UTRN: variants seen among roughly 807,000 people sequenced by gnomAD.
The protein encoded by UTRN is utrophin, also known as dystrophin-related protein 1.
A neutral mutation model predicts 463.9 loss-of-function variants in UTRN; 283 were observed. The ratio of observed to expected loss-of-function variants is 0.61; its 90% CI spans 0.55 to 0.67. UTRN has a LOEUF of 0.67. UTRN is among the 30% of genes least tolerant of loss of function. The pLI is 0.00. For missense variants in UTRN, 3,922 were observed against 4,084.3 expected (o/e 0.96, Z 1.08); for synonymous variants, 1,442 against 1,431.5 (o/e 1.01, Z -0.17).
At chr6:144,728,004 G>A (rs1301587674) in intron 53 of UTRN, among the ~76,000 whole-genome samples, 1 of 151,328 alleles carries the variant, frequency 6.6e-6, no homozygotes, top group Non-Finnish European at 1.5e-5. Context: ...GGAGGCTGAG[G>A]CAGGAGAATC....
At chr6:144,348,674 C>G (rs981987373) in intron 2 of UTRN, among the ~76,000 whole-genome samples, 5 of 152,156 alleles carry the variant, frequency 3.3e-5, no homozygotes, top group Admixed American at 6.5e-5. Flanking sequence ...GTGGCTCATG[C>G]CTGTAATCCC....
intron 69 of UTRN, among the ~76,000 whole-genome samples, chr6:144,830,077 G>A (rs111662037): frequency 2.7e-3 from 408 of 152,138 alleles, no homozygotes; most frequent in Admixed American, 4.5e-3. Context: ...TAGCCAAAGC[G>A]TTAAAGGAAA....
chr6:144,811,326 T>G (rs938790297), intron 65 of UTRN, among the ~76,000 whole-genome samples: 1 of 152,150 alleles, frequency 6.6e-6, no homozygotes, highest in African/African-American at 2.4e-5. Flanking sequence ...GGTAGTTTGT[T>G]TTTTGGCAGT....
intron 51 of UTRN, among the ~76,000 whole-genome samples, chr6:144,578,667 C>G (rs571292078): frequency 1.3e-5 from 2 of 152,240 alleles, no homozygotes; most frequent in South Asian, 2.1e-4. Context: ...CTCTGCTTGT[C>G]CCAGTTGGTC....
At chr6:144,585,455 A>G (rs189195101) in intron 51 of UTRN, among the ~76,000 whole-genome samples, 2 of 152,256 alleles carry the variant, frequency 1.3e-5, no homozygotes, top group East Asian at 3.9e-4. Flanking sequence ...GATTTTGCCT[A>G]AAGAACTGGA....
At chr6:144,390,207 T>C (rs1781783841) in intron 2 of UTRN, among the ~76,000 whole-genome samples, 1 of 152,172 alleles carries the variant, frequency 6.6e-6, no homozygotes, top group South Asian at 2.1e-4. Context: ...CGCTGTATAA[T>C]AATGATCATG....
At chr6:144,631,402 T>A (rs1776507673) in intron 51 of UTRN, among the ~76,000 whole-genome samples, 1 of 152,172 alleles carries the variant, frequency 6.6e-6, no homozygotes, top group African/African-American at 2.4e-5. Context: ...ATTCCAAATA[T>A]TGGAGGAAAG....
chr6:144,611,343 C>T (rs1805502889), intron 51 of UTRN, among the ~76,000 whole-genome samples: 1 of 152,120 alleles, frequency 6.6e-6, no homozygotes, highest in East Asian at 1.9e-4. Flanking sequence ...TTCTGTTCAG[C>T]ATAGTACTGG....
intron 54 of UTRN, among the ~76,000 whole-genome samples, chr6:144,740,520 T>C (rs1419136559): frequency 6.6e-6 from 1 of 152,200 alleles, no homozygotes; most frequent in Non-Finnish European, 1.5e-5. Context: ...ATAATTTCAT[T>C]AGCTTCTCAA....
intron 52 of UTRN, among the ~76,000 whole-genome samples, chr6:144,692,297 T>C (rs966359866): frequency 6.6e-5 from 10 of 152,234 alleles, no homozygotes; most frequent in African/African-American, 2.4e-4. Context: ...TTATCATTGA[T>C]GGGCATTTAA....
intron 2 of UTRN, among the ~76,000 whole-genome samples, chr6:144,327,371 T>C (rs1403622625): frequency 1.3e-5 from 2 of 152,172 alleles, no homozygotes; most frequent in Non-Finnish European, 2.9e-5. Flanking sequence ...GTATTTATTC[T>C]TCCAGAGAAG....
intron 19 of UTRN, among the ~76,000 whole-genome samples, chr6:144,454,163 T>C (rs574565519): frequency 6.6e-6 from 1 of 152,158 alleles, no homozygotes; most frequent in Non-Finnish European, 1.5e-5. Context: ...TAAAACTGTA[T>C]CCTTTGGGTT....
intron 23 of UTRN, among the ~76,000 whole-genome samples, chr6:144,465,625 CA>C (rs1789875796): frequency 6.6e-6 from 1 of 152,050 alleles, no homozygotes; most frequent in African/African-American, 2.4e-5. Flanking sequence ...ATCTTAAATT[CA>C]AAAGAAAACT....
intron 53 of UTRN, among the ~76,000 whole-genome samples, chr6:144,722,506 C>G (rs1353597760): frequency 6.6e-6 from 1 of 152,056 alleles, no homozygotes; most frequent in East Asian, 1.9e-4. Context: ...CTCTTTTCAT[C>G]AAAAGATAAA....
At chr6:144,513,013 C>T (rs1396642995) in intron 35 of UTRN, among the ~76,000 whole-genome samples, 1 of 152,156 alleles carries the variant, frequency 6.6e-6, no homozygotes, top group South Asian at 2.1e-4. Context: ...TAACTTCTTG[C>T]CTTAGATTAA....
chr6:144,333,972 A>G (rs1405402105), intron 2 of UTRN, among the ~76,000 whole-genome samples: 1 of 152,240 alleles, frequency 6.6e-6, no homozygotes, highest in East Asian at 1.9e-4. Flanking sequence ...AGGTATTAAA[A>G]AAGTACATTG....
intron 52 of UTRN, among the ~76,000 whole-genome samples, chr6:144,695,475 C>T (rs1177255219): frequency 5.3e-5 from 8 of 151,706 alleles, no homozygotes; most frequent in African/African-American, 1.9e-4. Flanking sequence ...TCCCAAGTAG[C>T]TGGGATTACA....
chr6:144,291,932 C>G (rs1029265679), intron 2 of UTRN, 25 bp downstream of exon 2: 50 of 1,592,648 alleles, frequency 3.1e-5, no homozygotes, highest in Non-Finnish European at 3.8e-5. Flanking sequence ...CTCAAGAAAG[C>G]TATGGATTTT....
chr6:144,503,222 C>T (rs1269691530), intron 34 of UTRN, among the ~76,000 whole-genome samples: 2 of 152,136 alleles, frequency 1.3e-5, no homozygotes, highest in South Asian at 2.1e-4. Context: ...TATGCTGGTA[C>T]TTTCTTTTGC....
Sources: gnomAD v4.1 joint callset for allele counts (sites outside exome capture counted in the v4.1 genomes callset) on GRCh38, gnomAD v4.1.1 for gene constraint, MANE v1.5 for transcripts, NCBI Gene and HGNC (gene_info 2026-07-23, HGNC 2026-07-21) for gene names.